The following ZNF273 variants were observed in gnomAD, a reference collection of about 807,000 sequenced individuals.
ZNF273 encodes the protein zinc finger protein 9.
ZNF273 carries 11 observed loss-of-function variants against 14.9 expected under a neutral mutation model. The ratio of observed to expected loss-of-function variants is 0.74; its 90% confidence interval spans 0.46 to 1.22. ZNF273 has a LOEUF of 1.22. Ranked by LOEUF, ZNF273 falls within the 50% of genes most tolerant of loss-of-function variation. The pLI, the probability that ZNF273 is intolerant of heterozygous loss-of-function variation, is 0.00. For synonymous variants in ZNF273, 199 were observed against 223.9 expected, an observed-to-expected ratio of 0.89 and a Z score of 0.99; for missense variants, 577 against 660.6, an observed-to-expected ratio of 0.87 and a Z score of 1.39.
chr7:64,937,222 A>G, the ZNF273 span, among the ~76,000 whole-genome samples: 3 of 152,256 alleles, frequency 2.0e-5, no homozygotes, highest in African/African-American at 7.2e-5. Context: ...ATTGCTAAGA[A>G]GTGGCTGTCC....
chr7:64,933,333 A>G (rs1186006172), downstream of ZNF273: 1 of 152,150 alleles, frequency 6.6e-6, no homozygotes, highest in Non-Finnish European at 1.5e-5. Context: ...TTTTATTCTT[A>G]GTCACCTATC....
In ZNF273 at chr7:64,927,695, G is replaced by T. The variant is rs1794828736; in HGVS notation, c.367G>T (p.Gly123Cys). The change falls in exon 4 of 4, where the codon GGC becomes TGC. Residue 123 changes from glycine (G) to cysteine (C), a missense_variant. Physicochemically the swap from Gly to Cys is radical, Grantham distance 159. This residue lies in a region of ZNF273 where 162 missense variants were observed against 203.5 expected (regional missense o/e 0.80). Coordinates refer to ENST00000476120, the MANE Select transcript of ZNF273 (RefSeq NM_021148.3). The part of the protein sequence containing the change: ...HFAQDLWPKQ[G>C]LKDSFQKVIL... The stretch of plus-strand genomic sequence containing the variant: ...TGCCCAAGACCTTTGGCCAAAGCAG[G>T]GCTTAAAAGATTCTTTTCAAAAAGT... 1 of 1,599,976 alleles carries T rather than the reference G, an allele frequency of 6.3e-7. No individual in the cohort carries two copies. Among genetic ancestry groups the T allele is most frequent in the Non-Finnish European group, 8.5e-7 (1 of 1,175,262 alleles).
chr7:64,903,286 G>T lies in ZNF273; in HGVS notation c.-32G>T, dbSNP rs114378904. 1.7e-3 allele frequency: 2,709 copies of T among 1,563,212 alleles called. 47 individuals carry two copies. The African/African-American group carries it at 0.034, about 19-fold the overall frequency. On this transcript the variant is annotated 5_prime_UTR_variant, in exon 1 of 4. Transcript: ENST00000476120. Reference sequence around the variant, plus strand: ...GGCGGGGCCTTTGTCTCTCGCTGCAGTCGCAGCTCCAGGTCTCGTCTTCAC... The same window carrying T: ...GGCGGGGCCTTTGTCTCTCGCTGCATTCGCAGCTCCAGGTCTCGTCTTCAC...
At chr7:64,903,004 T>A (rs901484888), upstream of ZNF273, among the ~76,000 whole-genome samples, 1 of 152,228 alleles carries the variant, frequency 6.6e-6, no homozygotes, top group Non-Finnish European at 1.5e-5. Flanking sequence ...TTAATATAAA[T>A]GCATATGACC....
chr7:64,932,596 G>T (rs1367432100), downstream of ZNF273, among the ~76,000 whole-genome samples: 1 of 152,064 alleles, frequency 6.6e-6, no homozygotes, highest in East Asian at 1.9e-4. Flanking sequence ...GAGCCACTGC[G>T]CCCGGCCAGA....
chr7:64,877,725 AAGTGTG>A (rs1240089314), exon 1 of ZNF273: 1 of 152,318 alleles, frequency 6.6e-6, no homozygotes, highest in Non-Finnish European at 1.5e-5. Context: ...GCGATCCTAG[AAGTGTG>A]CTGGGGCGAC....
chr7:64,919,620 A>G (rs1794284505), intron 3 of ZNF273, among the ~76,000 whole-genome samples: 1 of 152,192 alleles, frequency 6.6e-6, no homozygotes, highest in Non-Finnish European at 1.5e-5. Context: ...GCAACAGAGC[A>G]AAACGGTCAA....
intron 1 of ZNF273, among the ~76,000 whole-genome samples, chr7:64,916,726 A>G (rs1298999775): frequency 8.4e-6 from 1 of 118,578 alleles, no homozygotes; most frequent in African/African-American, 2.8e-5. Flanking sequence ...GCATCATACA[A>G]ATCTGTCCTG....
intron 1 of ZNF273, among the ~76,000 whole-genome samples, chr7:64,887,527 T>A (rs1791664824): frequency 6.6e-6 from 1 of 152,212 alleles, no homozygotes; most frequent in African/African-American, 2.4e-5. Context: ...AGATGGAGTC[T>A]AGCTCTGTTG....
chr7:64,928,492 C>A lies in ZNF273; in HGVS notation c.1164C>A (p.Thr388=). The A allele has an allele frequency of 1.2e-6, 2 of 1,613,146 alleles. No homozygotes were observed. Among genetic ancestry groups the A allele is most frequent in the Non-Finnish European group, 1.7e-6 (2 of 1,179,782 alleles). The change falls in exon 4 of 4, where the codon ACC becomes ACA. Residue 388 remains threonine, a synonymous_variant. Transcript: ENST00000476120. Reference sequence around the variant, plus strand: ...GCAAAGCTTTTAACCAGTCCTCAACCCTTACTAGACATAAGATAGTTCATA... The same window carrying A: ...GCAAAGCTTTTAACCAGTCCTCAACACTTACTAGACATAAGATAGTTCATA... ...ECGKAFNQSS[T]LTRHKIVHTG... is the part of the protein sequence containing the mutation.
At position 64,886,920 on chromosome 7, in the gene ZNF273, T is replaced by C. The variant is rs117630713; in HGVS notation, n.274-1653T>C. On this transcript the variant is annotated intron_variant and non_coding_transcript_variant, in intron 1 of 1. Coordinates refer to the ZNF273 transcript ENST00000471926. ...CCCAGAGATGAGCATGGTCCCCATG[T>C]GGAAGTCTTCTGTCCATTTCTCCCT... 6.6e-5 allele frequency among the ~76,000 whole-genome samples: 10 copies of C among 152,350 alleles called. No homozygotes were observed. In the East Asian group the frequency reaches 1.9e-3, roughly 29 times the overall value.
intron 3 of ZNF273, among the ~76,000 whole-genome samples, chr7:64,894,913 A>G (rs1269921536): frequency 6.6e-6 from 1 of 151,872 alleles, no homozygotes; most frequent in Non-Finnish European, 1.5e-5. Flanking sequence ...ATGGATCACG[A>G]GGTCAGGAGT....
At chr7:64,878,750 G>C (rs1791180234) in intron 2 of ZNF273, among the ~76,000 whole-genome samples, 1 of 152,192 alleles carries the variant, frequency 6.6e-6, no homozygotes, top group Non-Finnish European at 1.5e-5. Context: ...CAGTGGGATG[G>C]ATGACTGATG....
downstream of ZNF273, among the ~76,000 whole-genome samples, chr7:64,933,933 G>A (rs1315368114): frequency 6.6e-6 from 1 of 151,978 alleles, no homozygotes; most frequent in African/African-American, 2.4e-5. Context: ...TTCAGTATTA[G>A]CATATACAAA....
chr7:64,903,057 G>GC (rs1413125818), upstream of ZNF273, among the ~76,000 whole-genome samples: 1 of 152,212 alleles, frequency 6.6e-6, no homozygotes, highest in African/African-American at 2.4e-5. Flanking sequence ...GGTGGGCCGG[G>GC]CTCAGTTCAG....
chr7:64,888,224 C>CTGT, intron 1 of ZNF273: 1 of 894,328 alleles, frequency 1.1e-6, no homozygotes, highest in Non-Finnish European at 1.3e-6. Context: ...GCTGCTGCTG[C>CTGT]CCCACCCTCC....
chr7:64,900,392 C>A (rs1197629627), upstream of ZNF273, among the ~76,000 whole-genome samples: 1 of 152,160 alleles, frequency 6.6e-6, no homozygotes, highest in Non-Finnish European at 1.5e-5. Context: ...TCCCAAAATG[C>A]AAGTGGTACA....
chr7:64,923,427 G>C (rs1159895479), intron 3 of ZNF273: 1 of 452,304 alleles, frequency 2.2e-6, no homozygotes, highest in Non-Finnish European at 4.4e-6. Context: ...TGCAACCTCT[G>C]CCCCTCGGGA....
chr7:64,886,231 A>C (rs889040062), intron 1 of ZNF273, among the ~76,000 whole-genome samples: 3 of 152,186 alleles, frequency 2.0e-5, no homozygotes, highest in Non-Finnish European at 4.4e-5. Flanking sequence ...TCCTTTACTC[A>C]GTTGAATGAG....
Sources: allele counts gnomAD v4.1 joint callset (sites outside exome capture counted in the v4.1 genomes callset), GRCh38; gene constraint gnomAD v4.1.1; regional missense constraint gnomAD v4.1.1; transcripts MANE v1.5; gene names NCBI Gene and HGNC (gene_info 2026-07-23, HGNC 2026-07-21).